MCU: variants seen among roughly 807,000 people sequenced by gnomAD.
MCU encodes mitochondrial calcium uniporter, also known as calcium uniporter protein, mitochondrial.
MCU carries 12 observed loss-of-function variants against 45.2 expected under a neutral mutation model. The ratio of observed to expected loss-of-function variants is 0.27; its 90% CI spans 0.17 to 0.43. The LOEUF (loss-of-function observed/expected upper bound fraction) is 0.43, where lower values mean the gene tolerates loss of function less well. MCU is among the 20% of genes least tolerant of loss of function. The pLI, the probability that MCU is intolerant of heterozygous loss-of-function variation, is 1.00. For missense variants in MCU, 324 were observed against 436.7 expected (o/e 0.74, Z 2.30); for synonymous variants, 160 against 165.1 (o/e 0.97, Z 0.24).
chr10:72,842,004 G>A (rs1179024750), intron 2 of MCU, among the ~76,000 whole-genome samples: 3 of 152,180 alleles, frequency 2.0e-5, no homozygotes, highest in Middle Eastern at 3.2e-3. Context: ...TATAGTTGTT[G>A]TTATGGATTT....
chr10:72,859,119 T>C (rs748306239), intron 2 of MCU, 58 bp from the exon 3 acceptor site: 22 of 1,459,558 alleles, frequency 1.5e-5, no homozygotes, highest in Non-Finnish European at 1.9e-5. Flanking sequence ...GGTAATAATG[T>C]GACTTTAACT....
intron 1 of MCU, among the ~76,000 whole-genome samples, chr10:72,723,729 C>T (rs528890022): frequency 2.8e-4 from 43 of 152,140 alleles, no homozygotes; most frequent in Non-Finnish European, 4.9e-4. Context: ...GTGCTTGCAA[C>T]GTGCTTTTCA....
At chr10:72,707,445 C>G (rs1356140441) in intron 1 of MCU, among the ~76,000 whole-genome samples, 1 of 152,076 alleles carries the variant, frequency 6.6e-6, no homozygotes, top group Non-Finnish European at 1.5e-5. Flanking sequence ...GTGATTCACC[C>G]GCCTCGGCCT....
Position 72,868,766 on chromosome 10 carries a change from A to C in MCU, c.560A>C (p.Tyr187Ser), listed in dbSNP as rs1344930249. ...NDVKTLVQQL[Y>S]TTLCIEQHQL... ...GTAAAGACATTGGTCCAGCAACTATACACCACACTGTGCATTGAGCAGCAC... is the reference window on the plus strand; with the variant it reads ...GTAAAGACATTGGTCCAGCAACTATCCACCACACTGTGCATTGAGCAGCAC... Residue 187 changes from tyrosine to serine, a missense_variant, in exon 5 of 8, where the codon TAC becomes TCC. Around this residue, in one of 4 missense-constraint regions of MCU, gnomAD observed 135 missense variants for 207.3 expected, o/e 0.65. Transcript: ENST00000373053. 1.9e-6 allele frequency: 3 copies of C among 1,614,058 alleles called. No homozygotes were observed. Among genetic ancestry groups the C allele is most frequent in the Non-Finnish European group, 2.5e-6 (3 of 1,180,032 alleles).
At chr10:72,846,067 CAG>C (rs1019750797) in intron 2 of MCU, among the ~76,000 whole-genome samples, 1 of 151,464 alleles carries the variant, frequency 6.6e-6, no homozygotes, top group Non-Finnish European at 1.5e-5. Context: ...TTTTTTGAGA[CAG>C]AGTCTTGCTC....
intron 1 of MCU, among the ~76,000 whole-genome samples, chr10:72,806,881 A>C (rs926534401): frequency 6.6e-6 from 1 of 152,252 alleles, no homozygotes; most frequent in African/African-American, 2.4e-5. Context: ...ATGAGGCCAG[A>C]AGCAAGCTTG....
intron 1 of MCU, among the ~76,000 whole-genome samples, chr10:72,753,828 G>C (rs141822089): frequency 6.6e-6 from 1 of 152,032 alleles, no homozygotes; most frequent in Non-Finnish European, 1.5e-5. Context: ...GCAGTGATCT[G>C]TGATCACGCC....
At chr10:72,779,055 C>T (rs1054783206) in intron 1 of MCU, among the ~76,000 whole-genome samples, 39 of 152,144 alleles carry the variant, frequency 2.6e-4, no homozygotes, top group African/African-American at 8.0e-4. Flanking sequence ...CTGCAACCTC[C>T]GCCTCCTGGG....
intron 1 of MCU, among the ~76,000 whole-genome samples, chr10:72,740,442 C>T (rs1843311663): frequency 6.6e-6 from 1 of 151,772 alleles, no homozygotes; most frequent in Admixed American, 6.6e-5. Context: ...CTGACTCTTC[C>T]ATTATCTCAG....
At chr10:72,816,316 G>T (rs149379611) in intron 1 of MCU, among the ~76,000 whole-genome samples, 65 of 152,112 alleles carry the variant, frequency 4.3e-4, no homozygotes, top group Non-Finnish European at 8.4e-4. Context: ...TAAATAATAC[G>T]TAGGAATGGG....
intron 1 of MCU, among the ~76,000 whole-genome samples, chr10:72,769,563 A>G (rs1843775484): frequency 6.6e-6 from 1 of 152,198 alleles, no homozygotes; most frequent in Non-Finnish European, 1.5e-5. Flanking sequence ...GATTGCAGAC[A>G]TGTACCACTG....
chr10:72,756,226 A>G (rs922842614), intron 1 of MCU, among the ~76,000 whole-genome samples: 3 of 152,094 alleles, frequency 2.0e-5, no homozygotes, highest in Non-Finnish European at 2.9e-5. Context: ...AGCTCAAGCA[A>G]TCTTCCTGCC....
intron 1 of MCU, among the ~76,000 whole-genome samples, chr10:72,718,883 A>G (rs1038448519): frequency 6.6e-6 from 1 of 152,234 alleles, no homozygotes; most frequent in Non-Finnish European, 1.5e-5. Context: ...CCAGACACTA[A>G]CAGTGTATGA....
At chr10:72,708,575 A>G (rs1457929927) in intron 1 of MCU, among the ~76,000 whole-genome samples, 2 of 152,140 alleles carry the variant, frequency 1.3e-5, no homozygotes, top group South Asian at 2.1e-4. Context: ...TGTCAGTAAC[A>G]TAGACATTCA....
chr10:72,733,300 T>G (rs1320730059), intron 1 of MCU, among the ~76,000 whole-genome samples: 1 of 152,066 alleles, frequency 6.6e-6, no homozygotes, highest in African/African-American at 2.4e-5. Flanking sequence ...CTACTAAAGA[T>G]ACAAAAATTA....
chr10:72,729,732 C>T (rs1843146138), intron 1 of MCU, among the ~76,000 whole-genome samples: 1 of 152,114 alleles, frequency 6.6e-6, no homozygotes, highest in African/African-American at 2.4e-5. Flanking sequence ...CTCAGTTACT[C>T]AACCTTGGCA....
chr10:72,805,181 C>CTTTTT (rs1844426008), intron 1 of MCU, among the ~76,000 whole-genome samples: 1 of 134,810 alleles, frequency 7.4e-6, no homozygotes, highest in South Asian at 2.3e-4. Flanking sequence ...CTCTCTCTTT[C>CTTTTT]CTTCCTTCCT....
At chr10:72,789,641 C>G (rs1844127938) in intron 1 of MCU, among the ~76,000 whole-genome samples, 1 of 152,136 alleles carries the variant, frequency 6.6e-6, no homozygotes, top group Non-Finnish European at 1.5e-5. Context: ...CTGCTCACCT[C>G]AAATGTAAGA....
chr10:72,805,900 G>GATTTGACCT (rs2132791656), intron 1 of MCU, among the ~76,000 whole-genome samples: 1 of 152,304 alleles, frequency 6.6e-6, no homozygotes, highest in Non-Finnish European at 1.5e-5. Context: ...TTTCATAAGG[G>GATTTGACCT]ATTTGACCTA....
Sources: gnomAD v4.1 joint callset for allele counts (sites outside exome capture counted in the v4.1 genomes callset) on GRCh38, gnomAD v4.1.1 for gene constraint, gnomAD v4.1.1 regional missense constraint, MANE v1.5 for transcripts, NCBI Gene and HGNC (gene_info 2026-07-23, HGNC 2026-07-21) for gene names.